SREK1IP1: variants seen among roughly 807,000 people sequenced by gnomAD.
The protein encoded by SREK1IP1 is SREK1 interacting protein 1.
A neutral mutation model predicts 22.8 loss-of-function variants in SREK1IP1; 12 were observed. That is an observed-to-expected ratio of 0.53 (90% CI 0.34 to 0.85). The LOEUF (loss-of-function observed/expected upper bound fraction) is 0.85, where lower values mean the gene tolerates loss of function less well. SREK1IP1 is among the 40% of genes least tolerant of loss of function. The pLI, the probability that SREK1IP1 is intolerant of heterozygous loss-of-function variation, is 0.02. For synonymous variants in SREK1IP1, 53 were observed against 52.7 expected (o/e 1.01, Z -0.02); for missense variants, 147 against 171.8 (o/e 0.86, Z 0.81).
chr5:64,737,845 TC>T (rs1742491913), intron 3 of SREK1IP1, among the ~76,000 whole-genome samples: 1 of 152,102 alleles, frequency 6.6e-6, no homozygotes, highest in Admixed American at 6.6e-5. Flanking sequence ...AAGAATACAC[TC>T]CTTGAAACAT....
rs539847969 is a variant in SREK1IP1, at chr5:64,718,970, T to C, written c.*5414A>G. On this transcript the variant is annotated 3_prime_UTR_variant, in exon 5 of 5. Coordinates refer to ENST00000513458, the MANE Select transcript of SREK1IP1 (RefSeq NM_173829.4). ...TGAATACAGCTTCTCTGGTCTGATATATAAAAAAGAATACCTTATTTTTCT... is the reference window on the plus strand; with the variant it reads ...TGAATACAGCTTCTCTGGTCTGATACATAAAAAAGAATACCTTATTTTTCT... 1 of 152,202 alleles carries C rather than the reference T, an allele frequency of 6.6e-6. No homozygotes were observed. The highest frequency in any genetic ancestry group is 1.5e-5 in the Non-Finnish European group (1 of 68,032). 9.4% of individuals were successfully genotyped at this position (152,202 alleles called of 1,614,324 possible). A position where few individuals can be genotyped will look rare whatever the true frequency, so the allele number is the denominator to read the frequency against.
intron 2 of SREK1IP1, among the ~76,000 whole-genome samples, chr5:64,741,917 C>T (rs553932289): frequency 2.0e-5 from 3 of 149,652 alleles, no homozygotes; most frequent in African/African-American, 7.7e-5. Flanking sequence ...CACTCGCATG[C>T]CTGTGCGCAC....
At position 64,743,775 on chromosome 5, in the gene SREK1IP1, G is replaced by A. The variant is rs144540300; in HGVS notation, c.62-2575C>T. Among the ~76,000 whole-genome samples, 573 of 152,198 alleles carry A rather than the reference G, an allele frequency of 3.8e-3. 4 individuals are homozygous for A. The highest frequency in any genetic ancestry group is 0.012 in the African/African-American group (491 of 41,538). On this transcript the variant is annotated intron_variant, in intron 2 of 4. Transcript: ENST00000513458. ...TATCTTTTTAGTTTATTGTTCGTGA[G>A]TTTCCACTTATCACCAGTAGTGCTT...
intron 2 of SREK1IP1, among the ~76,000 whole-genome samples, chr5:64,741,648 A>G (rs1458418017): frequency 6.7e-6 from 1 of 148,986 alleles, no homozygotes; most frequent in Non-Finnish European, 1.5e-5. Context: ...TAAAGTTGGC[A>G]TAATAATATA....
In SREK1IP1 at chr5:64,720,892, T is replaced by A. The variant is rs1014075742; in HGVS notation, c.*3492A>T. 2.0e-5 allele frequency: 3 copies of A among 152,254 alleles called. No individual in the cohort carries two copies. Among genetic ancestry groups the A allele is most frequent in the Admixed American group, 6.5e-5 (1 of 15,282 alleles). The allele number at this position is 152,254 out of a possible 1,614,324, so 9.4% of individuals were successfully genotyped here. On this transcript the variant is annotated 3_prime_UTR_variant, in exon 5 of 5. Coordinates refer to ENST00000513458, the MANE Select transcript of SREK1IP1 (RefSeq NM_173829.4). ...CACGGAACACACGACTCCTTCCTCC[T>A]GTTCCTAAGAACTTAAAATGGTAGT...
intron 2 of SREK1IP1, among the ~76,000 whole-genome samples, chr5:64,754,022 T>C (rs1742792561): frequency 1.3e-5 from 2 of 152,228 alleles, no homozygotes; most frequent in African/African-American, 2.4e-5. Flanking sequence ...AGTATGTATA[T>C]AGTTTTTAAA....
intron 1 of SREK1IP1, among the ~76,000 whole-genome samples, chr5:64,762,355 T>C (rs1389932730): frequency 6.6e-6 from 1 of 152,234 alleles, no homozygotes. Flanking sequence ...TTTTGTTTAG[T>C]AACAAGTTTT....
chr5:64,719,312 A>C lies in SREK1IP1; in HGVS notation c.*5072T>G, dbSNP rs1021433873. The C allele has an allele frequency of 6.6e-6, 1 of 152,232 alleles. No homozygotes were observed. Among genetic ancestry groups the C allele is most frequent in the African/African-American group, 2.4e-5 (1 of 41,454 alleles). 9.4% of individuals were successfully genotyped at this position (152,232 alleles called of 1,614,324 possible). On this transcript the variant is annotated 3_prime_UTR_variant, in exon 5 of 5. Transcript: ENST00000513458. Reference sequence around the variant, plus strand: ...CTGCCAAAGTTGAACTTCACATTCAAAAATACAATTTTGCAAAGGTTTAAA... The same window carrying C: ...CTGCCAAAGTTGAACTTCACATTCACAAATACAATTTTGCAAAGGTTTAAA...
chr5:64,768,436 C>CACCCT lies in SREK1IP1; in HGVS notation c.13+64_13+68dup, dbSNP rs541829623. The CACCCT allele has an allele frequency of 2.1e-5, 33 of 1,609,090 alleles. No individual in the cohort carries two copies. In the Admixed American group the frequency reaches 4.2e-4, roughly 20 times the overall value. ...CATGGGCGCTGCTCCGTACACGCCG[C>CACCCT]ACCCTACCCTACCCTCCCTTGCGCT... On this transcript the variant is annotated intron_variant, in intron 1 of 4. Transcript: ENST00000513458.
At chr5:64,754,545 G>T in intron 1 of SREK1IP1, 183 bp from the exon 2 acceptor site, 1 of 535,996 alleles carries the variant, frequency 1.9e-6, no homozygotes, top group Non-Finnish European at 3.3e-6. Flanking sequence ...GCTCACTACA[G>T]CCTCCAGCTC....
intron 1 of SREK1IP1, among the ~76,000 whole-genome samples, chr5:64,758,534 T>C (rs576243816): frequency 2.0e-4 from 31 of 152,330 alleles, no homozygotes; most frequent in South Asian, 8.3e-4. Context: ...GTCTTTCATT[T>C]TGAAAACAAC....
At chr5:64,745,914 C>T (rs188027) in intron 2 of SREK1IP1, among the ~76,000 whole-genome samples, 94,949 of 151,798 alleles carry the variant, frequency 0.63, 31,543 homozygotes, top group African/African-American at 0.87. Context: ...AATGTTCTTA[C>T]AGCAAACAAT....
chr5:64,740,745 T>C (rs1241975979), intron 3 of SREK1IP1, among the ~76,000 whole-genome samples: 2 of 152,134 alleles, frequency 1.3e-5, no homozygotes, highest in East Asian at 3.9e-4. Context: ...TAAAACAAAT[T>C]GCCAAATAGG....
At chr5:64,724,613 T>C (rs1742232880) in intron 4 of SREK1IP1, 40 bp from the exon 5 acceptor site, 3 of 1,395,434 alleles carry the variant, frequency 2.1e-6, no homozygotes, top group African/African-American at 1.5e-5. Context: ...ATTGCATTTA[T>C]GACTGATAGA....
Position 64,725,271 on chromosome 5 carries a change from A to AT in SREK1IP1, c.279-699dup, listed in dbSNP as rs565855898. On this transcript the variant is annotated intron_variant, in intron 4 of 4. Coordinates refer to ENST00000513458, the MANE Select transcript of SREK1IP1 (RefSeq NM_173829.4). ...GGTTCAATTCCTTCCTCTAATATTC[A>AT]TAAAAAAAAGGAAAAGAAAAAGAAA... Among the ~76,000 whole-genome samples, 8 of 152,268 alleles carry AT rather than the reference A, an allele frequency of 5.3e-5. No homozygotes were observed. The East Asian group carries it at 1.5e-3, about 29-fold the overall frequency.
chr5:64,729,017 C>G (rs900028278), intron 3 of SREK1IP1, among the ~76,000 whole-genome samples: 7 of 152,062 alleles, frequency 4.6e-5, no homozygotes, highest in African/African-American at 1.7e-4. Context: ...ATGGTGAAAC[C>G]CCATTTCTAC....
At position 64,731,521 on chromosome 5, in the gene SREK1IP1, C is replaced by CAAAAAAAAAAAAAAAAAAAAAA. The variant is rs10599290; in HGVS notation, c.206-3343_206-3342insTTTTTTTTTTTTTTTTTTTTTT. On this transcript the variant is annotated intron_variant, in intron 3 of 4. Coordinates refer to ENST00000513458, the MANE Select transcript of SREK1IP1 (RefSeq NM_173829.4). ...TAGACAACAGAGTGGGCCCTTGTCTCAAAAAAAAAAAAAAAAAGAGGACAG... is the reference window on the plus strand; with the variant it reads ...TAGACAACAGAGTGGGCCCTTGTCTCAAAAAAAAAAAAAAAAAAAAAAAAAAAAAAAAAAAAAAAGAGGACAG... Among the ~76,000 whole-genome samples the CAAAAAAAAAAAAAAAAAAAAAA allele has an allele frequency of 9.2e-4, 69 of 74,654 alleles. 2 individuals carry two copies. Among genetic ancestry groups the CAAAAAAAAAAAAAAAAAAAAAA allele is most frequent in the African/African-American group, 2.6e-3 (64 of 24,618 alleles). 49.0% of individuals were successfully genotyped at this position (74,654 alleles called of 152,430 possible). A position where few individuals can be genotyped will look rare whatever the true frequency, so the allele number is the denominator to read the frequency against.
intron 2 of SREK1IP1, among the ~76,000 whole-genome samples, chr5:64,752,733 C>G (rs1174810557): frequency 1.3e-5 from 2 of 152,108 alleles, no homozygotes; most frequent in East Asian, 1.9e-4. Context: ...AAATCATCTT[C>G]TTGACCTTTC....
At chr5:64,726,701 C>T (rs555321141) in intron 4 of SREK1IP1, among the ~76,000 whole-genome samples, 148 of 152,108 alleles carry the variant, frequency 9.7e-4, no homozygotes, top group African/African-American at 3.4e-3. Context: ...CATAGCTTAA[C>T]GTGGCTGCCC....
Sources: allele counts gnomAD v4.1 joint callset (sites outside exome capture counted in the v4.1 genomes callset), GRCh38; gene constraint gnomAD v4.1.1; transcripts MANE v1.5; gene names NCBI Gene and HGNC (gene_info 2026-07-23, HGNC 2026-07-21).